Variants in HECW2 observed in about 807,000 individuals in gnomAD.
The protein encoded by HECW2 is HECT, C2 and WW domain containing E3 ubiquitin protein ligase 2, also known as E3 ubiquitin-protein ligase HECW2.
HECW2 carries 61 observed loss-of-function variants against 175.2 expected under a neutral mutation model. That is an observed-to-expected ratio of 0.35 (90% CI 0.28 to 0.43). The LOEUF is 0.43. Ranked by LOEUF, HECW2 falls within the 20% of genes least tolerant of loss-of-function variation. HECW2 has a pLI of 1.00. For missense variants in HECW2, 1,524 were observed against 2,000.5 expected, an observed-to-expected ratio of 0.76 and a Z score of 4.54; for synonymous variants, 671 against 731.0, an observed-to-expected ratio of 0.92 and a Z score of 1.32.
intron 13 of HECW2, among the ~76,000 whole-genome samples, chr2:196,299,725 C>T (rs573067230): frequency 5.3e-5 from 8 of 152,222 alleles, no homozygotes; most frequent in African/African-American, 1.4e-4. Context: ...GTCAGGAGAT[C>T]GAGACCATCC....
intron 17 of HECW2, among the ~76,000 whole-genome samples, chr2:196,270,752 G>GT (rs748766232): frequency 6.6e-5 from 10 of 151,440 alleles, no homozygotes; most frequent in Non-Finnish European, 1.3e-4. Flanking sequence ...CCAGGCTGGA[G>GT]TGCAGTGGTG....
chr2:196,315,504 G>A (rs1029987038), intron 10 of HECW2, among the ~76,000 whole-genome samples: 8 of 152,028 alleles, frequency 5.3e-5, no homozygotes, highest in Middle Eastern at 3.2e-3. Flanking sequence ...GGCACCCCCT[G>A]CCATCACTGA....
At chr2:196,425,974 T>C (rs1417626522) in intron 2 of HECW2, among the ~76,000 whole-genome samples, 1 of 152,106 alleles carries the variant, frequency 6.6e-6, no homozygotes, top group Non-Finnish European at 1.5e-5. Flanking sequence ...ACTACTGTCT[T>C]ATTTAAACAC....
intron 1 of HECW2, among the ~76,000 whole-genome samples, chr2:196,554,616 G>A (rs1023367127): frequency 6.6e-6 from 1 of 152,188 alleles, no homozygotes; most frequent in Non-Finnish European, 1.5e-5. Flanking sequence ...TGGACACAAA[G>A]GGGAGCAAAC....
rs1320635312 is a variant in HECW2 at position 196,306,588 on chromosome 2, G to A, written c.2714C>T (p.Pro905Leu). Reference sequence around the variant, plus strand: ...GATCCTGGATCTGGAGGTAGAGTGAGGCAGGATGTTCTCCCGTCGGAAATC... The same window carrying A: ...GATCCTGGATCTGGAGGTAGAGTGAAGCAGGATGTTCTCCCGTCGGAAATC... ...SADFRRENILPHSTSRSRITL... is the reference protein window; with the variant it reads ...SADFRRENILLHSTSRSRITL... The change falls in exon 13 of 29, where the codon CCT (proline) becomes CTT (leucine). Residue 905 changes from proline (P) to leucine (L), a missense_variant. This residue lies in a region of HECW2 where 105 missense variants were observed against 98.1 expected (regional missense o/e 1.07). Coordinates refer to ENST00000644978, the MANE Select transcript of HECW2 (RefSeq NM_001348768.2). The A allele has an allele frequency of 2.5e-6, 4 of 1,612,790 alleles. No individual in the cohort carries two copies. In the South Asian group the frequency reaches 4.4e-5, roughly 18 times the overall value.
At chr2:196,352,346 G>A (rs184848865) in intron 2 of HECW2, among the ~76,000 whole-genome samples, 1 of 152,168 alleles carries the variant, frequency 6.6e-6, no homozygotes, top group Admixed American at 6.6e-5. Flanking sequence ...ACATTACTGG[G>A]TAGAAAAAAA....
At chr2:196,208,674 C>T (rs542049896) in intron 28 of HECW2, among the ~76,000 whole-genome samples, 62 of 152,264 alleles carry the variant, frequency 4.1e-4, no homozygotes, top group African/African-American at 1.4e-3. Context: ...GCATGAAGGA[C>T]CAGCAGATAA....
rs986309271 is a variant in HECW2, at chr2:196,248,132, G to A, written c.3529+5788C>T. On this transcript the variant is annotated intron_variant, in intron 19 of 28. Transcript: ENST00000644978. ...CTGGCATTTTTGCTTTATTCTCTGA[G>A]TAGTAAAAGGCCCTCGAGTCATTTC... Among the ~76,000 whole-genome samples the A allele has an allele frequency of 6.6e-5, 10 of 152,188 alleles. 1 individual carries two copies. Among genetic ancestry groups the A allele is most frequent in the African/African-American group, 2.4e-4 (10 of 41,438 alleles).
At chr2:196,218,899 A>C (rs999551317) in intron 26 of HECW2, among the ~76,000 whole-genome samples, 1 of 152,250 alleles carries the variant, frequency 6.6e-6, no homozygotes, top group African/African-American at 2.4e-5. Context: ...CAGAAATAGA[A>C]GCAATGGAAA....
At chr2:196,205,128 AAC>A (rs1687021104) in intron 28 of HECW2, among the ~76,000 whole-genome samples, 1 of 152,236 alleles carries the variant, frequency 6.6e-6, no homozygotes, top group African/African-American at 2.4e-5. Context: ...TGGTTACCAT[AAC>A]ACAACTTTCC....
At chr2:196,335,027 T>C (rs1692500988) in intron 3 of HECW2, among the ~76,000 whole-genome samples, 1 of 152,182 alleles carries the variant, frequency 6.6e-6, no homozygotes, top group Non-Finnish European at 1.5e-5. Context: ...TAGCTCTCAA[T>C]GGAAATAGAG....
At chr2:196,282,729 G>A (rs936279302) in intron 14 of HECW2, among the ~76,000 whole-genome samples, 1 of 152,148 alleles carries the variant, frequency 6.6e-6, no homozygotes, top group African/African-American at 2.4e-5. Flanking sequence ...AGAATAGACT[G>A]TAAATATTTC....
chr2:196,568,834 C>T (rs1334695509), intron 1 of HECW2, among the ~76,000 whole-genome samples: 1 of 152,156 alleles, frequency 6.6e-6, no homozygotes, highest in Non-Finnish European at 1.5e-5. Context: ...CAGCTACTCT[C>T]GAGCCTCATC....
In HECW2 at chr2:196,557,145, C is replaced by G. The variant is rs113884550; in HGVS notation, c.-36+36363G>C. ...GTGCAGTGACTCATGTCTGTAATCC[C>G]AGCACTTTGGGAGCCCGAGGTGGGC... On this transcript the variant is annotated intron_variant, in intron 1 of 28. Coordinates refer to ENST00000644978, the MANE Select transcript of HECW2 (RefSeq NM_001348768.2). Among the ~76,000 whole-genome samples, 451 of 152,210 alleles carry G rather than the reference C, an allele frequency of 3.0e-3. 1 individual carries two copies. Among genetic ancestry groups the G allele is most frequent in the African/African-American group, 0.01 (418 of 41,534 alleles).
Position 196,200,082 on chromosome 2 carries a change from T to C in HECW2, c.*1195A>G, listed in dbSNP as rs896811138. The C allele has an allele frequency of 1.3e-5, 2 of 152,604 alleles. No homozygotes were observed. Among genetic ancestry groups the C allele is most frequent in the Non-Finnish European group, 2.9e-5 (2 of 68,020 alleles). 9.5% of individuals were successfully genotyped at this position (152,604 alleles called of 1,614,324 possible). On this transcript the variant is annotated 3_prime_UTR_variant, in exon 29 of 29. Transcript: ENST00000644978. ...CTGTATTAAATGCCATCCTGTAAAG[T>C]ATTTGATGGATGGAAGAGAGTCTAA...
intron 28 of HECW2, among the ~76,000 whole-genome samples, chr2:196,214,241 C>A (rs966084523): frequency 7.9e-5 from 12 of 152,178 alleles, no homozygotes; most frequent in Admixed American, 7.2e-4. Context: ...GGGACTCAGC[C>A]TAGGTCTCTC....
intron 1 of HECW2, among the ~76,000 whole-genome samples, chr2:196,467,883 C>T (rs1210648123): frequency 6.6e-6 from 1 of 152,220 alleles, no homozygotes; most frequent in Non-Finnish European, 1.5e-5. Flanking sequence ...ACTTTCTCTT[C>T]TCTTGCTAAA....
At chr2:196,289,850 C>T (rs1690540334) in intron 14 of HECW2, 1 of 152,118 alleles carries the variant, frequency 6.6e-6, no homozygotes, top group Admixed American at 6.6e-5. Context: ...AGACCGAGCA[C>T]CAGCCTCCCT....
chr2:196,380,491 C>T (rs1374570405), intron 2 of HECW2, among the ~76,000 whole-genome samples: 1 of 152,114 alleles, frequency 6.6e-6, no homozygotes. Flanking sequence ...CCTTATGTGC[C>T]CCAAGTGGTA....
Sources: gnomAD v4.1 joint callset for allele counts (sites outside exome capture counted in the v4.1 genomes callset) on GRCh38, gnomAD v4.1.1 for gene constraint, gnomAD v4.1.1 regional missense constraint, MANE v1.5 for transcripts, NCBI Gene and HGNC (gene_info 2026-07-23, HGNC 2026-07-21) for gene names.